The following AAK1 variants were observed in gnomAD, a reference collection of about 807,000 sequenced individuals.
The protein encoded by AAK1 is AP2 associated kinase 1.
In AAK1, 37 loss-of-function variants were observed where a neutral mutation model predicts 116.0. The ratio of observed to expected loss-of-function variants is 0.32; its 90% CI spans 0.25 to 0.42. AAK1 has a LOEUF of 0.42. AAK1 is among the 10% of genes least tolerant of loss of function. The pLI, the probability that AAK1 is intolerant of heterozygous loss-of-function variation, is 1.00. For synonymous variants in AAK1, 458 were observed against 439.9 expected (o/e 1.04, Z -0.51); for missense variants, 919 against 1,170.6 (o/e 0.79, Z 3.14).
At chr2:69,562,708 G>A (rs761201777) in intron 2 of AAK1, among the ~76,000 whole-genome samples, 1 of 152,058 alleles carries the variant, frequency 6.6e-6, no homozygotes, top group East Asian at 1.9e-4. Context: ...TGGCTAACAC[G>A]ATGAAACCCC....
chr2:69,493,954 G>A (rs1675641377), intron 17 of AAK1, among the ~76,000 whole-genome samples: 1 of 152,152 alleles, frequency 6.6e-6, no homozygotes, highest in African/African-American at 2.4e-5. Context: ...GGTAGGCAAG[G>A]GCCACACCAC....
At position 69,460,489 on chromosome 2, in the gene AAK1, A is replaced by G. The variant is rs1428254082; in HGVS notation, c.*15380T>C. On this transcript the variant is annotated 3_prime_UTR_variant, in exon 22 of 22. Coordinates refer to ENST00000409085, the MANE Select transcript of AAK1 (RefSeq NM_014911.5). ...CAAGCAGTTGAAAACACTGATGTAC[A>G]TGTATTCTAAAACTTACTAAATAAT... The G allele has an allele frequency of 1.3e-5, 2 of 152,498 alleles. No individual in the cohort carries two copies. Among genetic ancestry groups the G allele is most frequent in the African/African-American group, 4.8e-5 (2 of 41,464 alleles). The allele number at this position is 152,498 out of a possible 1,614,324, so 9.4% of individuals were successfully genotyped here.
chr2:69,610,154 A>T (rs1674016128), intron 2 of AAK1, among the ~76,000 whole-genome samples: 1 of 152,158 alleles, frequency 6.6e-6, no homozygotes, highest in African/African-American at 2.4e-5. Context: ...GCATAAAGAC[A>T]GATATAGAGA....
At chr2:69,537,496 T>C (rs971621624) in intron 5 of AAK1, among the ~76,000 whole-genome samples, 1 of 152,158 alleles carries the variant, frequency 6.6e-6, no homozygotes, top group Admixed American at 6.5e-5. Flanking sequence ...GCCCGTGCTC[T>C]TTCCCTCATC....
chr2:69,594,444 G>A (rs1274920909), intron 2 of AAK1, among the ~76,000 whole-genome samples: 1 of 152,162 alleles, frequency 6.6e-6, no homozygotes, highest in African/African-American at 2.4e-5. Context: ...TTGTTTATAT[G>A]AATGAATTTC....
At chr2:69,618,374 C>A (rs772786013) in intron 2 of AAK1, among the ~76,000 whole-genome samples, 1 of 152,058 alleles carries the variant, frequency 6.6e-6, no homozygotes, top group African/African-American at 2.4e-5. Context: ...ACAATAAAAA[C>A]AACTTAGCTC....
At chr2:69,617,156 A>T (rs1674370118) in intron 2 of AAK1, among the ~76,000 whole-genome samples, 1 of 152,366 alleles carries the variant, frequency 6.6e-6, no homozygotes, top group East Asian at 1.9e-4. Flanking sequence ...TCAGTCAAGA[A>T]CAACAAAATT....
At chr2:69,596,001 A>G (rs1673262829) in intron 2 of AAK1, among the ~76,000 whole-genome samples, 1 of 152,232 alleles carries the variant, frequency 6.6e-6, no homozygotes, top group African/African-American at 2.4e-5. Context: ...CAAGGCCTGG[A>G]TGACAGCACA....
At chr2:69,585,126 T>C (rs1672708936) in intron 2 of AAK1, among the ~76,000 whole-genome samples, 1 of 152,188 alleles carries the variant, frequency 6.6e-6, no homozygotes, top group South Asian at 2.1e-4. Context: ...AAAAACTACA[T>C]AAAAATTCAA....
intron 16 of AAK1, among the ~76,000 whole-genome samples, chr2:69,502,970 A>T (rs907013653): frequency 2.0e-5 from 3 of 152,232 alleles, no homozygotes; most frequent in Admixed American, 1.3e-4. Flanking sequence ...ATGAACAATC[A>T]TATTGTAGAT....
chr2:69,610,371 A>G (rs1263892665), intron 2 of AAK1, among the ~76,000 whole-genome samples: 1 of 152,228 alleles, frequency 6.6e-6, no homozygotes, highest in African/African-American at 2.4e-5. Flanking sequence ...TGGATCAAAC[A>G]TCTAAAAAGC....
intron 19 of AAK1, 45 bp from the exon 20 acceptor site, chr2:69,479,106 T>C (rs1674984429): frequency 3.1e-6 from 4 of 1,273,036 alleles, no homozygotes; most frequent in Non-Finnish European, 4.6e-6. Flanking sequence ...TGGCATTAAG[T>C]GGCACACACA....
intron 3 of AAK1, among the ~76,000 whole-genome samples, chr2:69,554,941 T>G (rs1671328275): frequency 6.6e-6 from 1 of 152,238 alleles, no homozygotes; most frequent in Non-Finnish European, 1.5e-5. Context: ...CATGGGCCTG[T>G]GCTTCTTAGT....
chr2:69,553,437 G>GGTTT (rs1438829164), intron 3 of AAK1, among the ~76,000 whole-genome samples: 5 of 79,598 alleles, frequency 6.3e-5, no homozygotes, highest in African/African-American at 2.6e-4. Context: ...ATTGAAAGTT[G>GGTTT]TTTTTTTTTT....
chr2:69,494,968 T>C (rs1256630786), intron 17 of AAK1, among the ~76,000 whole-genome samples: 1 of 152,126 alleles, frequency 6.6e-6, no homozygotes, highest in Admixed American at 6.5e-5. Flanking sequence ...GATATGAACA[T>C]CGCAGTCACT....
chr2:69,569,147 A>AT (rs1309985083), intron 2 of AAK1, among the ~76,000 whole-genome samples: 1 of 152,208 alleles, frequency 6.6e-6, no homozygotes, highest in African/African-American at 2.4e-5. Context: ...AAAAGCATTC[A>AT]TTAGTCCCTT....
chr2:69,506,868 C>CTGTGTGTGTGTGTGTGTG (rs10531990), intron 15 of AAK1, among the ~76,000 whole-genome samples: 5 of 149,246 alleles, frequency 3.4e-5, no homozygotes, highest in African/African-American at 1.2e-4. Flanking sequence ...GTGCATGTGC[C>CTGTGTGTGTGTGTGTGTG]TGTGTGTGTG....
intron 3 of AAK1, among the ~76,000 whole-genome samples, chr2:69,550,645 T>C (rs1286232955): frequency 2.6e-5 from 4 of 151,820 alleles, no homozygotes; most frequent in Admixed American, 2.6e-4. Flanking sequence ...AGACAGAATC[T>C]TGTTCTGTCG....
At position 69,471,699 on chromosome 2, in the gene AAK1, T is replaced by G. The variant is rs1558887687; in HGVS notation, c.*4170A>C. On this transcript the variant is annotated 3_prime_UTR_variant, in exon 22 of 22. Transcript: ENST00000409085. ...AACCTTATCAAGAGAGACTTTATTT[T>G]GGCCCAAGGTATCTATAGCATGTAT... 2.0e-6 allele frequency: 2 copies of G among 985,434 alleles called. No homozygotes were observed. The allele number at this position is 985,434 out of a possible 1,614,324, so 61.0% of individuals were successfully genotyped here.
Sources: allele counts gnomAD v4.1 joint callset (sites outside exome capture counted in the v4.1 genomes callset), GRCh38; gene constraint gnomAD v4.1.1; transcripts MANE v1.5; gene names NCBI Gene and HGNC (gene_info 2026-07-23, HGNC 2026-07-21).